The following FOXP1 variants were observed in gnomAD, a reference collection of about 807,000 sequenced individuals.
The protein encoded by FOXP1 is forkhead box protein P1.
In FOXP1, 15 loss-of-function variants were observed where a neutral mutation model predicts 98.2. The observed-to-expected ratio is 0.15, with a 90% confidence interval of 0.10 to 0.24. The LOEUF is 0.24. FOXP1 is among the 10% of genes least tolerant of loss of function. The pLI is 1.00. For missense variants in FOXP1, 633 were observed against 848.5 expected (o/e 0.75, Z 3.15); for synonymous variants, 371 against 314.5 (o/e 1.18, Z -1.90).
At chr3:71,297,134 G>A (rs1422146262) in intron 5 of FOXP1, among the ~76,000 whole-genome samples, 1 of 152,090 alleles carries the variant, frequency 6.6e-6, no homozygotes. Context: ...TGAAAGTAGA[G>A]AACAACTATA....
intron 7 of FOXP1, among the ~76,000 whole-genome samples, chr3:71,098,223 C>T (rs1300464671): frequency 6.6e-6 from 1 of 152,204 alleles, no homozygotes. Context: ...TTCCTCCCTG[C>T]AAGTATATTC....
chr3:71,484,747 TGTGTCTCA>T, intron 3 of FOXP1, among the ~76,000 whole-genome samples: 1 of 152,222 alleles, frequency 6.6e-6, no homozygotes, highest in East Asian at 1.9e-4. Flanking sequence ...TCTAAGGGCC[TGTGTCTCA>T]GTGTGGGCCC....
At chr3:70,996,236 A>T (rs1054745267) in intron 13 of FOXP1, among the ~76,000 whole-genome samples, 1 of 152,128 alleles carries the variant, frequency 6.6e-6, no homozygotes, top group African/African-American at 2.4e-5. Flanking sequence ...TGCCCGCCTC[A>T]GCCTTCCAAA....
chr3:71,299,500 T>G (rs1016194056), intron 5 of FOXP1, among the ~76,000 whole-genome samples: 1 of 152,240 alleles, frequency 6.6e-6, no homozygotes, highest in Non-Finnish European at 1.5e-5. Flanking sequence ...TCACCACTTT[T>G]GTGATGTGAA....
intron 6 of FOXP1, among the ~76,000 whole-genome samples, chr3:71,144,409 G>A (rs374388507): frequency 6.6e-6 from 1 of 152,176 alleles, no homozygotes; most frequent in African/African-American, 2.4e-5. Flanking sequence ...CCTGACAGGA[G>A]CAAGAAATGT....
chr3:71,364,101 C>G (rs1026986533), intron 3 of FOXP1, among the ~76,000 whole-genome samples: 2 of 152,136 alleles, frequency 1.3e-5, no homozygotes, highest in Admixed American at 1.3e-4. Context: ...ACTACAGGCG[C>G]GTGCCATCAC....
intron 7 of FOXP1, among the ~76,000 whole-genome samples, chr3:71,098,956 A>G (rs1013305981): frequency 1.3e-5 from 2 of 152,188 alleles, no homozygotes; most frequent in African/African-American, 4.8e-5. Flanking sequence ...AAACTTTATT[A>G]AGTACTTTTT....
intron 6 of FOXP1, among the ~76,000 whole-genome samples, chr3:71,184,577 G>T (rs1182794635): frequency 6.6e-6 from 1 of 152,130 alleles, no homozygotes; most frequent in African/African-American, 2.4e-5. Context: ...AAATACCTGA[G>T]AAATTATTCC....
At chr3:71,004,189 A>G (rs1415074445) in intron 12 of FOXP1, among the ~76,000 whole-genome samples, 3 of 151,954 alleles carry the variant, frequency 2.0e-5, no homozygotes. Flanking sequence ...ATGCCACTGT[A>G]TTTTGTTTTG....
intron 2 of FOXP1, among the ~76,000 whole-genome samples, chr3:71,518,533 GT>G (rs538092976): frequency 1.8e-4 from 27 of 152,270 alleles, no homozygotes; most frequent in Admixed American, 2.0e-4. Context: ...TCAATGGAGT[GT>G]TTGTGTAAGT....
At chr3:71,231,300 GCTTC>G (rs1484397050) in intron 5 of FOXP1, among the ~76,000 whole-genome samples, 2 of 152,172 alleles carry the variant, frequency 1.3e-5, no homozygotes, top group African/African-American at 4.8e-5. Flanking sequence ...CTGCAAACAT[GCTTC>G]CTTCTTGTTT....
At chr3:71,156,471 C>A (rs947167838) in intron 6 of FOXP1, among the ~76,000 whole-genome samples, 2 of 151,034 alleles carry the variant, frequency 1.3e-5, no homozygotes, top group African/African-American at 4.9e-5. Context: ...GAGGGGAAAG[C>A]CTTTCCAAAA....
intron 4 of FOXP1, among the ~76,000 whole-genome samples, chr3:71,341,764 T>G (rs1041227884): frequency 2.0e-5 from 3 of 152,218 alleles, no homozygotes; most frequent in Non-Finnish European, 4.4e-5. Context: ...AATCAACTGG[T>G]TAACAGATCC....
At chr3:71,542,622 C>T (rs930121652) in intron 2 of FOXP1, among the ~76,000 whole-genome samples, 1 of 152,222 alleles carries the variant, frequency 6.6e-6, no homozygotes, top group African/African-American at 2.4e-5. Context: ...TTTTCTAAGA[C>T]GGCTGTGTGC....
intron 3 of FOXP1, among the ~76,000 whole-genome samples, chr3:71,416,617 A>G (rs1274036651): frequency 6.6e-6 from 1 of 151,410 alleles, no homozygotes; most frequent in Non-Finnish European, 1.5e-5. Context: ...ACGTATGGTC[A>G]GATAGGTCAG....
At chr3:71,071,231 T>G (rs1016636018) in intron 7 of FOXP1, among the ~76,000 whole-genome samples, 2 of 152,048 alleles carry the variant, frequency 1.3e-5, no homozygotes, top group South Asian at 2.1e-4. Flanking sequence ...GAACAGAGGG[T>G]GTGTTTAAGA....
chr3:71,273,459 C>A (rs1298942559), intron 5 of FOXP1, among the ~76,000 whole-genome samples: 1 of 152,202 alleles, frequency 6.6e-6, no homozygotes, highest in Non-Finnish European at 1.5e-5. Context: ...CTCCTCTAAT[C>A]CCCTTGCCTT....
At chr3:70,992,723 C>T (rs2040797868) in intron 13 of FOXP1, among the ~76,000 whole-genome samples, 1 of 152,168 alleles carries the variant, frequency 6.6e-6, no homozygotes, top group Non-Finnish European at 1.5e-5. Context: ...AGCAGACGCA[C>T]ACTAATACTA....
At chr3:71,324,254 G>A (rs551227262) in intron 4 of FOXP1, among the ~76,000 whole-genome samples, 1 of 152,182 alleles carries the variant, frequency 6.6e-6, no homozygotes, top group Non-Finnish European at 1.5e-5. Flanking sequence ...TTCCTTTGCA[G>A]TATTAAAGTA....
Sources: allele counts gnomAD v4.1 joint callset (sites outside exome capture counted in the v4.1 genomes callset), GRCh38; gene constraint gnomAD v4.1.1; transcripts MANE v1.5; gene names NCBI Gene and HGNC (gene_info 2026-07-23, HGNC 2026-07-21).